The following TRAPPC9 variants were observed in gnomAD, a reference collection of about 807,000 sequenced individuals.
TRAPPC9 encodes the protein IKK2 binding protein.
TRAPPC9 carries 83 observed loss-of-function variants against 124.0 expected under a neutral mutation model. That is an observed-to-expected ratio of 0.67 (90% CI 0.56 to 0.80). The LOEUF (loss-of-function observed/expected upper bound fraction) is 0.80, where lower values mean the gene tolerates loss of function less well. Among genes scored for constraint, TRAPPC9 ranks in the 30% least tolerant of loss-of-function variants. The pLI, the probability that TRAPPC9 is intolerant of heterozygous loss-of-function variation, is 0.00. For missense variants in TRAPPC9, 1,302 were observed against 1,508.3 expected, an observed-to-expected ratio of 0.86 and a Z score of 2.27; for synonymous variants, 638 against 617.5, an observed-to-expected ratio of 1.03 and a Z score of -0.49.
intron 21 of TRAPPC9, among the ~76,000 whole-genome samples, chr8:139,800,155 G>C (rs952758778): frequency 6.6e-6 from 1 of 152,248 alleles, no homozygotes. Flanking sequence ...CCGCTGGGGC[G>C]CCTTTGGCTG....
intron 2 of TRAPPC9, among the ~76,000 whole-genome samples, chr8:140,446,766 A>G (rs894091675): frequency 6.6e-6 from 1 of 152,004 alleles, no homozygotes; most frequent in Non-Finnish European, 1.5e-5. Context: ...TGTTGACCTC[A>G]GGTGATCCAC....
intron 17 of TRAPPC9, among the ~76,000 whole-genome samples, chr8:140,054,321 T>C (rs1254832400): frequency 6.6e-6 from 1 of 152,138 alleles, no homozygotes; most frequent in African/African-American, 2.4e-5. Flanking sequence ...ATCTAAAATT[T>C]TGTTTCAAAC....
At chr8:139,920,931 G>C (rs939754639) in intron 19 of TRAPPC9, among the ~76,000 whole-genome samples, 11 of 152,340 alleles carry the variant, frequency 7.2e-5, no homozygotes, top group African/African-American at 2.6e-4. Context: ...GCAGTGTGGT[G>C]GTCACAGAGT....
At chr8:139,965,397 A>G (rs1835635879) in intron 19 of TRAPPC9, among the ~76,000 whole-genome samples, 1 of 152,222 alleles carries the variant, frequency 6.6e-6, no homozygotes, top group Admixed American at 6.5e-5. Flanking sequence ...CGAGGCTCCC[A>G]GCCACCTCAT....
At chr8:140,074,964 T>C (rs367592144) in intron 17 of TRAPPC9, among the ~76,000 whole-genome samples, 1 of 152,108 alleles carries the variant, frequency 6.6e-6, no homozygotes, top group Non-Finnish European at 1.5e-5. Context: ...TTTTTTTAGA[T>C]GAGGGGACTG....
intron 10 of TRAPPC9, among the ~76,000 whole-genome samples, chr8:140,308,342 T>C (rs996471786): frequency 6.6e-6 from 1 of 150,540 alleles, no homozygotes; most frequent in African/African-American, 2.5e-5. Flanking sequence ...GGCTACGAGA[T>C]ACTCCGGCTC....
intron 19 of TRAPPC9, among the ~76,000 whole-genome samples, chr8:139,950,886 T>A (rs1467170121): frequency 6.6e-6 from 1 of 152,194 alleles, no homozygotes. Context: ...ACACATGGCA[T>A]GCGGCAAGAG....
At chr8:139,848,089 C>A (rs1052039228) in intron 21 of TRAPPC9, among the ~76,000 whole-genome samples, 3 of 152,150 alleles carry the variant, frequency 2.0e-5, no homozygotes, top group Non-Finnish European at 4.4e-5. Context: ...ATCTAAAGGG[C>A]TTTTTCCATA....
intron 21 of TRAPPC9, among the ~76,000 whole-genome samples, chr8:139,833,725 A>G (rs1350222324): frequency 3.9e-5 from 6 of 152,202 alleles, no homozygotes. Context: ...GGCCGCTGCT[A>G]ATGTGCAGTG....
intron 21 of TRAPPC9, among the ~76,000 whole-genome samples, chr8:139,794,073 A>T (rs953509789): frequency 2.0e-5 from 2 of 98,618 alleles, no homozygotes; most frequent in Admixed American, 2.1e-4. Context: ...TTCCTGCCCC[A>T]CTACTCCTGT....
chr8:140,345,429 C>A (rs1025894109), intron 9 of TRAPPC9, among the ~76,000 whole-genome samples: 10 of 152,148 alleles, frequency 6.6e-5, no homozygotes, highest in South Asian at 2.1e-4. Flanking sequence ...GAAAATGATG[C>A]CCGTCCCATC....
At chr8:140,178,633 G>C (rs1025148991) in intron 17 of TRAPPC9, among the ~76,000 whole-genome samples, 10 of 152,200 alleles carry the variant, frequency 6.6e-5, no homozygotes, top group African/African-American at 2.4e-4. Flanking sequence ...AAGCTAGCCT[G>C]ATAATACAAA....
upstream of TRAPPC9, chr8:140,457,845 A>T: frequency 9.2e-7 from 1 of 1,088,768 alleles, no homozygotes; most frequent in Non-Finnish European, 1.1e-6. Context: ...GCAAGGGGGT[A>T]GGAGCGAGGG....
intron 15 of TRAPPC9, among the ~76,000 whole-genome samples, chr8:140,272,074 T>C (rs1404167292): frequency 1.1e-5 from 1 of 88,488 alleles, no homozygotes; most frequent in Non-Finnish European, 2.3e-5. Flanking sequence ...ATGGTGATGA[T>C]GGTGGTGGTT....
chr8:140,292,405 G>A (rs548681336), intron 11 of TRAPPC9, among the ~76,000 whole-genome samples: 56 of 152,314 alleles, frequency 3.7e-4, no homozygotes, highest in African/African-American at 5.1e-4. Flanking sequence ...GAGGCACCCC[G>A]AGCAGACACG....
At chr8:139,833,952 A>T (rs961680941) in intron 21 of TRAPPC9, among the ~76,000 whole-genome samples, 4 of 152,140 alleles carry the variant, frequency 2.6e-5, no homozygotes, top group Non-Finnish European at 5.9e-5. Flanking sequence ...TTGGCGGTGG[A>T]GGAAACGCAG....
At chr8:139,951,516 C>G (rs1034349489) in intron 19 of TRAPPC9, among the ~76,000 whole-genome samples, 4 of 152,214 alleles carry the variant, frequency 2.6e-5, no homozygotes, top group Non-Finnish European at 5.9e-5. Context: ...CTCTTCTGTT[C>G]GTACCATTAG....
At chr8:139,940,187 G>A (rs957345630) in intron 19 of TRAPPC9, among the ~76,000 whole-genome samples, 4 of 152,140 alleles carry the variant, frequency 2.6e-5, no homozygotes, top group Non-Finnish European at 1.5e-5. Flanking sequence ...CACAAGGAGC[G>A]CAGGTGGGTT....
chr8:140,132,361 G>C (rs775504665), intron 17 of TRAPPC9, among the ~76,000 whole-genome samples: 1 of 152,138 alleles, frequency 6.6e-6, no homozygotes, highest in African/African-American at 2.4e-5. Flanking sequence ...TGACACCCAC[G>C]GGTCTTTTTA....
Sources: gnomAD v4.1 joint callset for allele counts (sites outside exome capture counted in the v4.1 genomes callset) on GRCh38, gnomAD v4.1.1 for gene constraint, MANE v1.5 for transcripts, NCBI Gene and HGNC (gene_info 2026-07-23, HGNC 2026-07-21) for gene names.